ERG: variants seen among roughly 807,000 people sequenced by gnomAD.
ERG encodes ETS transcription factor ERG.
Under a neutral mutation model 55.3 loss-of-function variants are expected in ERG, and 9 were observed. The observed-to-expected ratio is 0.16, with a 90% CI of 0.10 to 0.28. The LOEUF is 0.28. ERG is among the 10% of genes least tolerant of loss of function. ERG has a pLI of 1.00. For missense variants in ERG, 434 were observed against 631.6 expected (o/e 0.69, Z 3.35); for synonymous variants, 223 against 237.3 (o/e 0.94, Z 0.55).
chr21:38,369,213 A>G, the ERG span, among the ~76,000 whole-genome samples: 4 of 152,236 alleles, frequency 2.6e-5, no homozygotes, highest in Non-Finnish European at 5.9e-5. Flanking sequence ...CAATGGCTGA[A>G]CTAATTCACA....
chr21:38,477,767 G>A (rs2059202250), intron 1 of ERG, among the ~76,000 whole-genome samples: 1 of 152,088 alleles, frequency 6.6e-6, no homozygotes. Context: ...AATATGCCTA[G>A]CATTTAAACA....
chr21:38,516,949 A>G (rs2059556746), intron 2 of ERG, among the ~76,000 whole-genome samples: 1 of 152,096 alleles, frequency 6.6e-6, no homozygotes, highest in African/African-American at 2.4e-5. Context: ...ATCTCTTGCC[A>G]TATATAAAAA....
At chr21:38,559,768 GCCT>G (rs1280949419) in intron 2 of ERG, among the ~76,000 whole-genome samples, 2 of 152,124 alleles carry the variant, frequency 1.3e-5, no homozygotes, top group African/African-American at 4.8e-5. Flanking sequence ...TGCACCCCCT[GCCT>G]CCCGGGTTCA....
At chr21:38,505,980 T>G (rs563829502) in intron 2 of ERG, among the ~76,000 whole-genome samples, 120 of 151,982 alleles carry the variant, frequency 7.9e-4, no homozygotes, top group Non-Finnish European at 1.5e-3. Context: ...CATTTTTTAC[T>G]TGTTAAAATT....
chr21:38,653,310 T>C (rs560465883), intron 1 of ERG, among the ~76,000 whole-genome samples: 1 of 152,334 alleles, frequency 6.6e-6, no homozygotes, highest in South Asian at 2.1e-4. Flanking sequence ...ACACAGTCTG[T>C]AGCTTCTAGC....
chr21:38,416,802 G>T (rs952693166), intron 3 of ERG, among the ~76,000 whole-genome samples: 2 of 152,242 alleles, frequency 1.3e-5, no homozygotes, highest in African/African-American at 2.4e-5. Context: ...GGCAGATTTT[G>T]AAGATGTCTG....
chr21:38,656,122 G>T (rs942367459), intron 1 of ERG, among the ~76,000 whole-genome samples: 5 of 152,144 alleles, frequency 3.3e-5, no homozygotes, highest in Non-Finnish European at 7.3e-5. Context: ...TTACAAAGGG[G>T]TTTCTGGCTG....
At chr21:38,599,317 G>C (rs187058618) in intron 1 of ERG, among the ~76,000 whole-genome samples, 1 of 142,160 alleles carries the variant, frequency 7.0e-6, no homozygotes, top group Non-Finnish European at 1.5e-5. Flanking sequence ...GAAGCTAGGG[G>C]AAGGGTACCA....
downstream of ERG, among the ~76,000 whole-genome samples, chr21:38,377,873 A>G (rs974932286): frequency 2.0e-5 from 3 of 152,158 alleles, no homozygotes; most frequent in Non-Finnish European, 2.9e-5. Context: ...CCCTCAGGAC[A>G]TGTTTTTATG....
chr21:38,428,978 C>T (rs984828746), intron 2 of ERG, among the ~76,000 whole-genome samples: 64 of 152,022 alleles, frequency 4.2e-4, no homozygotes, highest in Non-Finnish European at 8.1e-4. Context: ...GATTTTGTTG[C>T]ACCCATCACC....
rs2059397428 is a variant in ERG at position 38,498,445 on chromosome 21, A to T, written c.-65T>A. Reference sequence around the variant, plus strand: ...ATAATTATTGCTTCTCTCTGACCAGAAAGTAGTTTTGATGAGGTTGTTTAG... The same window carrying T: ...ATAATTATTGCTTCTCTCTGACCAGTAAGTAGTTTTGATGAGGTTGTTTAG... On this transcript the variant is annotated 5_prime_UTR_variant, in exon 1 of 10. Transcript: ENST00000288319. The surrounding 1 kb of genome is among the most constrained non-coding windows in gnomAD (Gnocchi z 4.6). 6.3e-7 allele frequency: 1 copy of T among 1,592,210 alleles called. No individual in the cohort carries two copies. The highest frequency in any genetic ancestry group is 1.4e-5 in the African/African-American group (1 of 73,856).
In ERG at chr21:38,554,082, C is replaced by T. The variant is rs116200180; in HGVS notation, c.-41+21580G>A. On this transcript the variant is annotated intron_variant, in intron 2 of 8. Transcript: ENST00000398897. ...TGTGACCAACAAGCATATGAAAAAA[C>T]GCTCAACATCACTAATCACTAGAGA... Among the ~76,000 whole-genome samples the T allele has an allele frequency of 4.8e-3, 732 of 152,082 alleles. 7 individuals carry two copies. Among genetic ancestry groups the T allele is most frequent in the African/African-American group, 0.017 (688 of 41,490 alleles).
In ERG at chr21:38,406,197, A is replaced by G. The variant is rs143657893; in HGVS notation, c.389-2488T>C. Among the ~76,000 whole-genome samples the G allele has an allele frequency of 6.0e-3, 904 of 150,132 alleles. 29 individuals carry two copies. Among genetic ancestry groups the G allele is most frequent in the Admixed American group, 0.056 (820 of 14,758 alleles). On this transcript the variant is annotated intron_variant, in intron 3 of 9. Coordinates refer to ENST00000288319, the MANE Select transcript of ERG (RefSeq NM_182918.4). Reference sequence around the variant, plus strand: ...AAAATCATCAGTGCGCAGAACCTGAAAACTAAAGGGAACTCTGGTTTTGCT... The same window carrying G: ...AAAATCATCAGTGCGCAGAACCTGAGAACTAAAGGGAACTCTGGTTTTGCT...
the ERG span, among the ~76,000 whole-genome samples, chr21:38,369,381 T>C: frequency 6.6e-6 from 1 of 152,230 alleles, no homozygotes; most frequent in East Asian, 1.9e-4. Flanking sequence ...TGTTGAGCTG[T>C]TTTTTCAAAT....
intron 1 of ERG, among the ~76,000 whole-genome samples, chr21:38,491,572 G>C (rs1298178027): frequency 1.3e-5 from 2 of 152,212 alleles, no homozygotes; most frequent in African/African-American, 2.4e-5. Context: ...ATTGGATTCT[G>C]ATGTGGCACT....
intron 2 of ERG, among the ~76,000 whole-genome samples, chr21:38,507,187 G>A (rs2059468663): frequency 6.6e-6 from 1 of 152,166 alleles, no homozygotes; most frequent in African/African-American, 2.4e-5. Flanking sequence ...CTGAGTGCAG[G>A]GCTAACCTCT....
chr21:38,653,403 A>G (rs1454942717), intron 1 of ERG, among the ~76,000 whole-genome samples: 1 of 152,134 alleles, frequency 6.6e-6, no homozygotes, highest in Non-Finnish European at 1.5e-5. Flanking sequence ...ACCTTGAGTC[A>G]AATCTGACTG....
chr21:38,452,266 C>T (rs1200031904), intron 1 of ERG, among the ~76,000 whole-genome samples: 1 of 152,192 alleles, frequency 6.6e-6, no homozygotes, highest in Non-Finnish European at 1.5e-5. Context: ...CAAACACATA[C>T]ACATGCTTAC....
chr21:38,444,851 G>T (rs970184792), intron 2 of ERG, among the ~76,000 whole-genome samples: 1 of 151,988 alleles, frequency 6.6e-6, no homozygotes, highest in Admixed American at 6.6e-5. Flanking sequence ...GACATACGCC[G>T]CACTGCCTGG....
Sources: allele counts gnomAD v4.1 joint callset (sites outside exome capture counted in the v4.1 genomes callset), GRCh38; gene constraint gnomAD v4.1.1; non-coding constraint Gnocchi (gnomAD v3.1); transcripts MANE v1.5; gene names NCBI Gene and HGNC (gene_info 2026-07-23, HGNC 2026-07-21).